Variants in SERINC3 observed in about 807,000 individuals in gnomAD.
The protein encoded by SERINC3 is serine incorporator 3, also known as tumor differentially expressed protein 1.
SERINC3 carries 22 observed loss-of-function variants against 52.1 expected under a neutral mutation model. That is an observed-to-expected ratio of 0.42 (90% CI 0.30 to 0.60). The LOEUF is 0.60. Among genes scored for constraint, SERINC3 ranks in the 20% least tolerant of loss-of-function variants. The pLI is 0.16. For synonymous variants in SERINC3, 226 were observed against 212.7 expected, an observed-to-expected ratio of 1.06 and a Z score of -0.54; for missense variants, 564 against 584.6, an observed-to-expected ratio of 0.96 and a Z score of 0.36.
rs1352473538 is a variant in SERINC3, at chr20:44,499,025, A to T, written c.*1271T>A. 1 of 152,146 alleles carries T rather than the reference A, an allele frequency of 6.6e-6. No individual in the cohort carries two copies. Among genetic ancestry groups the T allele is most frequent in the African/African-American group, 2.4e-5 (1 of 41,414 alleles). 9.4% of individuals were successfully genotyped at this position (152,146 alleles called of 1,614,324 possible). On this transcript the variant is annotated 3_prime_UTR_variant, in exon 10 of 10. Transcript: ENST00000342374. ...TCCAGAAAGCCTACCATTACACCAA[A>T]TACCTCTCCTTTGAGTTCTCTCCAA... is the stretch of plus-strand genomic sequence containing the variant.
chr20:44,521,825 C>A, intron 1 of SERINC3, 88 bp downstream of exon 1: 3 of 1,363,632 alleles, frequency 2.2e-6, no homozygotes. Flanking sequence ...TCCCGAGAGC[C>A]TCTGGAGCCA....
chr20:44,506,898 T>C lies in SERINC3; in HGVS notation c.712A>G (p.Lys238Glu). The change falls in exon 6 of 10, where the codon AAG (lysine) becomes GAG (glutamate). Residue 238 changes from lysine (K) to glutamate (E), a missense_variant. Lys to Glu is a moderately conservative substitution (Grantham distance 56, BLOSUM62 1). Coordinates refer to ENST00000342374, the MANE Select transcript of SERINC3 (RefSeq NM_006811.4). ...YTKPDGCTENKFFISINLILC... is the reference protein window; with the variant it reads ...YTKPDGCTENEFFISINLILC... ...ATCAGGTTAATACTGATGAAGAACTTGTTTTCTGTGCAGCCATCTGGTTTG... is the reference window on the plus strand; with the variant it reads ...ATCAGGTTAATACTGATGAAGAACTCGTTTTCTGTGCAGCCATCTGGTTTG... 1 of 1,613,666 alleles carries C rather than the reference T, an allele frequency of 6.2e-7. No homozygotes were observed. Among genetic ancestry groups the C allele is most frequent in the Admixed American group, 1.7e-5 (1 of 59,942 alleles).
In SERINC3 at chr20:44,500,344, G is replaced by A. The variant is rs752716502; in HGVS notation, c.1374C>T (p.Val458=). The A allele has an allele frequency of 6.2e-7, 1 of 1,610,282 alleles. No individual in the cohort carries two copies. The highest frequency in any genetic ancestry group is 8.5e-7 in the Non-Finnish European group (1 of 1,178,446). ...GGACAAGTGGAGCCACAAGGGTCCA[G>A]ACGTAAAGCAGGAGGCAGACCCAGC... ...SSSWVCLLLY[V]WTLVAPLVLT... Residue 458 remains valine (V), a synonymous_variant, in exon 10 of 10, where the codon GTC becomes GTT. Transcript: ENST00000342374.
chr20:44,503,795 C>A lies in SERINC3; in HGVS notation c.1055+20G>T. ...TATCAACCTCCATGAAAATCTTGTT[C>A]TAAGTACCTTTTAACTTACCTAGAA... On this transcript the variant is annotated intron_variant, in intron 8 of 9. Coordinates refer to ENST00000342374, the MANE Select transcript of SERINC3 (RefSeq NM_006811.4). The A allele has an allele frequency of 6.7e-7, 1 of 1,503,756 alleles. No individual in the cohort carries two copies. Among genetic ancestry groups the A allele is most frequent in the Non-Finnish European group, 8.9e-7 (1 of 1,129,544 alleles). 93.2% of individuals were successfully genotyped at this position (1,503,756 alleles called of 1,614,324 possible).
At chr20:44,521,429 T>C (rs1196540870) in intron 1 of SERINC3, among the ~76,000 whole-genome samples, 1 of 152,212 alleles carries the variant, frequency 6.6e-6, no homozygotes, top group African/African-American at 2.4e-5. Flanking sequence ...CCACAAGGGC[T>C]TCTTTCCCTT....
chr20:44,521,607 C>CTG (rs2123082431), intron 1 of SERINC3, among the ~76,000 whole-genome samples: 1 of 152,360 alleles, frequency 6.6e-6, no homozygotes, highest in South Asian at 2.1e-4. Flanking sequence ...TCGCTGGGAG[C>CTG]TGTCATTCCT....
At chr20:44,521,804 G>T in intron 1 of SERINC3, 109 bp downstream of exon 1, 2 of 1,138,948 alleles carry the variant, frequency 1.8e-6, no homozygotes, top group Non-Finnish European at 1.3e-6. Flanking sequence ...GTAGCCCAGG[G>T]CCTGCTGACA....
chr20:44,518,857 G>A (rs965515449), intron 1 of SERINC3, among the ~76,000 whole-genome samples: 1 of 152,006 alleles, frequency 6.6e-6, no homozygotes, highest in Non-Finnish European at 1.5e-5. Context: ...CCAGCTACTT[G>A]GGAGGCTGAG....
intron 4 of SERINC3, 135 bp downstream of exon 4, chr20:44,511,154 T>G (rs2064344859): frequency 1.7e-6 from 1 of 602,896 alleles, no homozygotes; most frequent in Non-Finnish European, 3.0e-6. Flanking sequence ...CCTCAGGTGA[T>G]CCGCCCGTCT....
downstream of SERINC3, among the ~76,000 whole-genome samples, chr20:44,496,573 C>T (rs1195321008): frequency 2.0e-5 from 3 of 152,204 alleles, no homozygotes; most frequent in Non-Finnish European, 4.4e-5. Context: ...GCAGGTGGAT[C>T]ACCTGAGGCC....
At chr20:44,521,708 C>A (rs565986361) in intron 1 of SERINC3, among the ~76,000 whole-genome samples, 3 of 152,354 alleles carry the variant, frequency 2.0e-5, no homozygotes, top group African/African-American at 7.2e-5. Flanking sequence ...TAGCCTCTTC[C>A]GTTCCCCGAG....
At chr20:44,503,193 A>T (rs1000765317) in intron 8 of SERINC3, among the ~76,000 whole-genome samples, 1 of 152,230 alleles carries the variant, frequency 6.6e-6, no homozygotes, top group African/African-American at 2.4e-5. Flanking sequence ...AATTTGGTCT[A>T]TACAGATTCA....
intron 8 of SERINC3, among the ~76,000 whole-genome samples, chr20:44,502,827 A>G (rs2064288460): frequency 6.6e-6 from 1 of 151,934 alleles, no homozygotes; most frequent in Admixed American, 6.6e-5. Flanking sequence ...AAACTCCTGG[A>G]TGCAAGCGAT....
intron 1 of SERINC3, among the ~76,000 whole-genome samples, chr20:44,520,814 T>G (rs1437093259): frequency 6.6e-6 from 1 of 152,182 alleles, no homozygotes. Context: ...GTAAACATGT[T>G]TCCTTGAGTT....
chr20:44,509,888 T>A lies in SERINC3; in HGVS notation c.613+3A>T. 1 of 1,614,102 alleles carries A rather than the reference T, an allele frequency of 6.2e-7. No individual in the cohort carries two copies. The highest frequency in any genetic ancestry group is 8.5e-7 in the Non-Finnish European group (1 of 1,179,948). On this transcript the variant is annotated splice_donor_region_variant and intron_variant, in intron 5 of 9. Coordinates refer to ENST00000342374, the MANE Select transcript of SERINC3 (RefSeq NM_006811.4). ...GCTAACATAGGTGAGTAGAGATACC[T>A]ACCAGCATACCACAACCTTGGGTTT... is the stretch of plus-strand genomic sequence containing the variant.
At chr20:44,508,819 T>C (rs1304811778) in intron 5 of SERINC3, among the ~76,000 whole-genome samples, 1 of 152,206 alleles carries the variant, frequency 6.6e-6, no homozygotes, top group African/African-American at 2.4e-5. Flanking sequence ...CATAAATACA[T>C]AAAGGTTCAC....
Position 44,507,005 on chromosome 20 carries a change from A to G in SERINC3, c.614-9T>C. On this transcript the variant is annotated splice_polypyrimidine_tract_variant and intron_variant, in intron 5 of 9. Coordinates refer to ENST00000342374, the MANE Select transcript of SERINC3 (RefSeq NM_006811.4). ...TGTGAAAGACAGTAAAGCTGGAGAA[A>G]GGGAAACCAATATGAATGACCACAA... 6.3e-7 allele frequency: 1 copy of G among 1,585,888 alleles called. No individual in the cohort carries two copies. The highest frequency in any genetic ancestry group is 8.6e-7 in the Non-Finnish European group (1 of 1,168,602).
At position 44,503,889 on chromosome 20, in the gene SERINC3, T is replaced by C. The variant is rs1464344286; in HGVS notation, c.981A>G (p.Ser327=). The C allele has an allele frequency of 6.2e-7, 1 of 1,603,508 alleles. No homozygotes were observed. The highest frequency in any genetic ancestry group is 1.7e-5 in the Admixed American group (1 of 57,708). The change falls in exon 8 of 10, where the codon TCA becomes TCG. Residue 327 remains serine, a synonymous_variant. Transcript: ENST00000342374. The part of the protein sequence containing the change: ...TAVVPTPTPP[S]KSGSLLDSDN... Reference sequence around the variant, plus strand: ...CTGAATCCAGTAAAGACCCACTCTTTGATGGTGGAGTAGGGGTAGGGACCA... The same window carrying C: ...CTGAATCCAGTAAAGACCCACTCTTCGATGGTGGAGTAGGGGTAGGGACCA...
At chr20:44,518,156 C>G (rs755301854) in intron 1 of SERINC3, among the ~76,000 whole-genome samples, 1 of 152,048 alleles carries the variant, frequency 6.6e-6, no homozygotes. Flanking sequence ...ACAGCTGTAG[C>G]GACCCATTCA....
Sources: allele counts gnomAD v4.1 joint callset (sites outside exome capture counted in the v4.1 genomes callset), GRCh38; gene constraint gnomAD v4.1.1; transcripts MANE v1.5; gene names NCBI Gene and HGNC (gene_info 2026-07-23, HGNC 2026-07-21).